Variants in COG5 observed in about 807,000 individuals in gnomAD.
COG5 encodes component of oligomeric golgi complex 5.
In COG5, 86 loss-of-function variants were observed where a neutral mutation model predicts 110.4. The observed-to-expected ratio is 0.78, with a 90% CI of 0.65 to 0.93. COG5 has a LOEUF of 0.93. COG5 is among the 40% of genes least tolerant of loss of function. The pLI, the probability that COG5 is intolerant of heterozygous loss-of-function variation, is 0.00. For synonymous variants in COG5, 360 were observed against 334.6 expected, an observed-to-expected ratio of 1.08 and a Z score of -0.83; for missense variants, 1,077 against 987.0, an observed-to-expected ratio of 1.09 and a Z score of -1.22.
intron 14 of COG5, 125 bp from the exon 15 acceptor site, chr7:107,258,508 C>A: frequency 1.4e-6 from 1 of 717,630 alleles, no homozygotes; most frequent in South Asian, 1.5e-5. Flanking sequence ...AGTTCATGCC[C>A]CTCTGACAAA....
At chr7:107,253,530 A>T (rs1346117562) in intron 16 of COG5, among the ~76,000 whole-genome samples, 1 of 152,186 alleles carries the variant, frequency 6.6e-6, no homozygotes, top group Non-Finnish European at 1.5e-5. Flanking sequence ...TCAGTAAAAA[A>T]TGGATCAGAA....
intron 10 of COG5, among the ~76,000 whole-genome samples, chr7:107,353,349 C>T (rs1159775757): frequency 5.0e-5 from 7 of 139,788 alleles, no homozygotes; most frequent in African/African-American, 7.8e-5. Context: ...GGCGTGAACC[C>T]GGGAGGCGGA....
chr7:107,436,369 T>A (rs935426360), intron 6 of COG5, among the ~76,000 whole-genome samples: 12 of 152,140 alleles, frequency 7.9e-5, no homozygotes, highest in Non-Finnish European at 1.8e-4. Context: ...AACAAATATA[T>A]AATCCCTCTG....
chr7:107,293,795 G>A (rs1806366079), intron 12 of COG5, among the ~76,000 whole-genome samples: 1 of 152,122 alleles, frequency 6.6e-6, no homozygotes, highest in Non-Finnish European at 1.5e-5. Context: ...GATGATGGCA[G>A]GGTGCGGTGA....
intron 15 of COG5, 67 bp downstream of exon 15, chr7:107,258,205 TA>T: frequency 1.1e-6 from 1 of 918,544 alleles, no homozygotes; most frequent in South Asian, 1.4e-5. Context: ...TAACAATTTG[TA>T]AACTGTCCAA....
chr7:107,412,239 T>C (rs1275138506), intron 7 of COG5, among the ~76,000 whole-genome samples: 2 of 152,132 alleles, frequency 1.3e-5, no homozygotes, highest in Non-Finnish European at 2.9e-5. Flanking sequence ...TAGTTATCTA[T>C]CTATATATGC....
intron 3 of COG5, among the ~76,000 whole-genome samples, chr7:107,552,712 G>A (rs1465860607): frequency 2.0e-5 from 3 of 152,120 alleles, no homozygotes; most frequent in Non-Finnish European, 4.4e-5. Flanking sequence ...GCAGTTTGGC[G>A]ATTTCTCAAA....
At chr7:107,372,272 A>G (rs923246074) in intron 8 of COG5, among the ~76,000 whole-genome samples, 1 of 152,196 alleles carries the variant, frequency 6.6e-6, no homozygotes, top group African/African-American at 2.4e-5. Flanking sequence ...TAAGAAGTAC[A>G]TGGGAGGATA....
intron 19 of COG5, among the ~76,000 whole-genome samples, chr7:107,221,009 G>A (rs138503263): frequency 0.013 from 1,997 of 151,872 alleles, 52 homozygotes; most frequent in African/African-American, 0.045. Flanking sequence ...AGAGATGGGG[G>A]TTTCACGATG....
chr7:107,461,695 T>G (rs570282621), intron 6 of COG5, among the ~76,000 whole-genome samples: 4 of 152,276 alleles, frequency 2.6e-5, no homozygotes, highest in Admixed American at 2.6e-4. Context: ...AATAAATGAG[T>G]TTGGCAAAAT....
rs376633468 is a variant in COG5, at chr7:107,450,651, A to C, written c.539-38019T>G. Among the ~76,000 whole-genome samples the C allele has an allele frequency of 2.6e-5, 4 of 152,182 alleles. No homozygotes were observed. The East Asian group carries it at 5.8e-4, about 22-fold the overall frequency. The stretch of plus-strand genomic sequence containing the variant: ...AGGCAGTAAGAGATGGGCTAGCTCC[A>C]TTGTATTGTGCAAATGCAGTTGGGC... On this transcript the variant is annotated intron_variant, in intron 6 of 21. Transcript: ENST00000297135.
chr7:107,561,055 T>C (rs1191028450), intron 1 of COG5, among the ~76,000 whole-genome samples: 2 of 152,074 alleles, frequency 1.3e-5, no homozygotes, highest in Non-Finnish European at 2.9e-5. Flanking sequence ...CAAAAAAGAA[T>C]GGCAAAAGCC....
chr7:107,355,801 G>T (rs1415158755), intron 10 of COG5, among the ~76,000 whole-genome samples: 4 of 152,196 alleles, frequency 2.6e-5, no homozygotes, highest in Non-Finnish European at 5.9e-5. Context: ...AGGTAGAAAG[G>T]AATTTTTTGG....
At chr7:107,269,201 C>T (rs577562380) in intron 14 of COG5, among the ~76,000 whole-genome samples, 8 of 152,062 alleles carry the variant, frequency 5.3e-5, no homozygotes, top group South Asian at 2.1e-4. Context: ...TTAGGCCTGG[C>T]GCGGTGGCTC....
At chr7:107,287,791 T>C (rs575957288) in intron 12 of COG5, among the ~76,000 whole-genome samples, 1 of 152,312 alleles carries the variant, frequency 6.6e-6, no homozygotes, top group Admixed American at 6.5e-5. Flanking sequence ...TAGTATAATG[T>C]TTTCAAGGTT....
intron 6 of COG5, among the ~76,000 whole-genome samples, chr7:107,505,660 T>C (rs937287133): frequency 6.6e-6 from 1 of 152,202 alleles, no homozygotes; most frequent in Non-Finnish European, 1.5e-5. Context: ...CTGCAGACTT[T>C]CCTTGCTGAG....
intron 1 of COG5, among the ~76,000 whole-genome samples, chr7:107,561,129 C>T (rs1803739004): frequency 1.3e-5 from 2 of 152,186 alleles, no homozygotes; most frequent in Non-Finnish European, 2.9e-5. Flanking sequence ...TCAAACACAA[C>T]GGGATGTGGC....
intron 17 of COG5, among the ~76,000 whole-genome samples, chr7:107,242,761 T>G (rs773881985): frequency 3.3e-5 from 5 of 152,178 alleles, no homozygotes; most frequent in Non-Finnish European, 7.4e-5. Context: ...GCCCACAGCA[T>G]AGACACTCCT....
chr7:107,287,048 G>C (rs1331901625), intron 12 of COG5, among the ~76,000 whole-genome samples: 2 of 152,220 alleles, frequency 1.3e-5, no homozygotes, highest in Admixed American at 1.3e-4. Context: ...AGACAGAACA[G>C]GGTGGCCTCT....
Sources: gnomAD v4.1 joint callset for allele counts (sites outside exome capture counted in the v4.1 genomes callset) on GRCh38, gnomAD v4.1.1 for gene constraint, MANE v1.5 for transcripts, NCBI Gene and HGNC (gene_info 2026-07-23, HGNC 2026-07-21) for gene names.